The following NXN variants were observed in gnomAD, a reference collection of about 807,000 sequenced individuals.
NXN encodes nucleoredoxin 1.
In NXN, 16 loss-of-function variants were observed where a neutral mutation model predicts 48.6. The observed-to-expected ratio is 0.33, with a 90% CI of 0.22 to 0.50. NXN has a LOEUF of 0.50. NXN is among the 20% of genes least tolerant of loss of function. The probability of loss-of-function intolerance (pLI) is 0.98; values close to 1 mark genes in which losing one functional copy is unlikely to be tolerated. For synonymous variants in NXN, 281 were observed against 269.6 expected, an observed-to-expected ratio of 1.04 and a Z score of -0.41; for missense variants, 492 against 605.5, an observed-to-expected ratio of 0.81 and a Z score of 1.97.
At chr17:834,749 G>A (rs946471928) in intron 1 of NXN, among the ~76,000 whole-genome samples, 2 of 151,588 alleles carry the variant, frequency 1.3e-5, no homozygotes, top group Non-Finnish European at 2.9e-5. Flanking sequence ...CGAACCTCCT[G>A]ACCTCAAGTG....
intron 1 of NXN, among the ~76,000 whole-genome samples, chr17:895,520 A>C (rs1265952977): frequency 3.3e-5 from 5 of 152,092 alleles, no homozygotes. Flanking sequence ...TGGTTTAAAA[A>C]GACCCAATGT....
At chr17:885,425 G>A (rs907492878) in intron 1 of NXN, among the ~76,000 whole-genome samples, 2 of 151,378 alleles carry the variant, frequency 1.3e-5, no homozygotes, top group Non-Finnish European at 2.9e-5. Flanking sequence ...TGCAGTGAGC[G>A]GAGATCGCAC....
chr17:979,047 G>A, intron 1 of NXN, among the ~76,000 whole-genome samples: 1 of 144,698 alleles, frequency 6.9e-6, no homozygotes, highest in Non-Finnish European at 1.5e-5. Flanking sequence ...TCCAGGGCGG[G>A]CGCAGCGCAG....
chr17:851,953 T>A (rs1173909862), intron 1 of NXN, among the ~76,000 whole-genome samples: 2 of 152,198 alleles, frequency 1.3e-5, no homozygotes, highest in Non-Finnish European at 2.9e-5. Flanking sequence ...GACTTTCTCC[T>A]GATCTAACCA....
At chr17:842,111 G>A (rs1914361567) in intron 1 of NXN, among the ~76,000 whole-genome samples, 1 of 152,102 alleles carries the variant, frequency 6.6e-6, no homozygotes, top group Admixed American at 6.6e-5. Flanking sequence ...ACTCCAGCCT[G>A]GGCGACAGAG....
At chr17:945,388 T>A (rs1010884956) in intron 1 of NXN, among the ~76,000 whole-genome samples, 14 of 151,938 alleles carry the variant, frequency 9.2e-5, no homozygotes, top group Non-Finnish European at 1.8e-4. Flanking sequence ...TGCCCCCAAG[T>A]GGATCTTAAA....
chr17:810,007 C>CTGTGAGTGGCGTGCACGTTAAGAGTCCG (rs1567810503), intron 5 of NXN, among the ~76,000 whole-genome samples: 72 of 114,914 alleles, frequency 6.3e-4, no homozygotes, highest in Non-Finnish European at 9.5e-4. Context: ...CGTTACGAGT[C>CTGTGAGTGGCGTGCACGTTAAGAGTCCG]TGTGAGTGGC....
At chr17:815,281 G>A (rs1034890841) in intron 5 of NXN, among the ~76,000 whole-genome samples, 4 of 151,214 alleles carry the variant, frequency 2.6e-5, no homozygotes, top group Non-Finnish European at 5.9e-5. Context: ...TTTTGAAGGC[G>A]ACAAGGCACC....
At chr17:948,215 G>C (rs1471597825) in intron 1 of NXN, among the ~76,000 whole-genome samples, 1 of 152,064 alleles carries the variant, frequency 6.6e-6, no homozygotes. Flanking sequence ...AAGTAATCTA[G>C]AGGTAATTTA....
chr17:907,166 A>G (rs2068588956), intron 1 of NXN, among the ~76,000 whole-genome samples: 1 of 152,110 alleles, frequency 6.6e-6, no homozygotes, highest in South Asian at 2.1e-4. Flanking sequence ...AAGAGAATTA[A>G]TTAGACTCGT....
At chr17:890,700 TATTTTTCTGG>T (rs142876564) in intron 1 of NXN, among the ~76,000 whole-genome samples, 2,478 of 152,204 alleles carry the variant, frequency 0.016, 36 homozygotes, top group Non-Finnish European at 0.024. Flanking sequence ...TTCAAAATAA[TATTTTTCTGG>T]ATTTTTCTGG....
rs1567827591 is a variant in NXN, at chr17:841,469, CGGGCGAGCAGGT to C, written c.361-15403_361-15392del. On this transcript the variant is annotated intron_variant, in intron 1 of 7. Transcript: ENST00000336868. Reference sequence around the variant, plus strand: ...CCCCCTGACCACGGCGCATCTCACACGGGCGAGCAGGTCCCCCCTGACCACGGCGCATCTCAC... The same window carrying C: ...CCCCCTGACCACGGCGCATCTCACACCCCCCCTGACCACGGCGCATCTCAC... Among the ~76,000 whole-genome samples the C allele has an allele frequency of 1.2e-4, 15 of 129,982 alleles. 1 individual carries two copies. The South Asian group carries it at 1.2e-3, about 11-fold the overall frequency. The allele number at this position is 129,982 out of a possible 152,430, so 85.3% of individuals were successfully genotyped here.
rs972941103 is a variant in NXN at position 922,502 on chromosome 17, G to A, written c.360+56817C>T. Among the ~76,000 whole-genome samples the A allele has an allele frequency of 6.6e-5, 10 of 152,138 alleles. No individual in the cohort carries two copies. The East Asian group carries it at 7.7e-4, about 12-fold the overall frequency. ...TTAGTTGGAAATAGGATGGGGCCAC[G>A]AATAAAATCTAAGCGTACATTCCAA... On this transcript the variant is annotated intron_variant, in intron 1 of 7. Coordinates refer to ENST00000336868, the MANE Select transcript of NXN (RefSeq NM_022463.5).
intron 1 of NXN, among the ~76,000 whole-genome samples, chr17:910,536 T>TAAAACGG (rs1260628720): frequency 6.6e-6 from 1 of 152,184 alleles, no homozygotes; most frequent in Non-Finnish European, 1.5e-5. Flanking sequence ...TTTTTATTTG[T>TAAAACGG]TTTTTAGAAG....
intron 1 of NXN, among the ~76,000 whole-genome samples, chr17:927,174 G>A (rs545741205): frequency 3.3e-5 from 5 of 152,062 alleles, no homozygotes; most frequent in South Asian, 2.1e-4. Flanking sequence ...TTAGCCAGGC[G>A]TGGTGGCAGG....
chr17:869,467 G>A (rs1311967987), intron 1 of NXN, among the ~76,000 whole-genome samples: 4 of 152,250 alleles, frequency 2.6e-5, no homozygotes, highest in Non-Finnish European at 4.4e-5. Context: ...CGAGGTGGAA[G>A]AAGGAAGGTC....
chr17:933,279 G>C (rs529482494), intron 1 of NXN: 3 of 152,304 alleles, frequency 2.0e-5, no homozygotes, highest in East Asian at 1.9e-4. Flanking sequence ...GAAGAGCTCG[G>C]CCAGAGGAGG....
At chr17:876,817 C>CG (rs1328125561) in intron 1 of NXN, among the ~76,000 whole-genome samples, 3 of 151,740 alleles carry the variant, frequency 2.0e-5, no homozygotes, top group Non-Finnish European at 2.9e-5. Flanking sequence ...GCTGCGGGGG[C>CG]GGGGGGATCA....
rs1289338667 is a variant in NXN at position 919,081 on chromosome 17, G to T, written c.360+60238C>A. Reference sequence around the variant, plus strand: ...CCCTATTGCTTTAAAAAAAAAAAATGTTTCAGCCAGGCTCGGTGGCTCACA... The same window carrying T: ...CCCTATTGCTTTAAAAAAAAAAAATTTTTCAGCCAGGCTCGGTGGCTCACA... On this transcript the variant is annotated intron_variant, in intron 1 of 7. Transcript: ENST00000336868. This position sits in a 1 kb window ranked among gnomAD's most constrained non-coding sequence, Gnocchi z 5.1. Among the ~76,000 whole-genome samples, 1 of 150,594 alleles carries T rather than the reference G, an allele frequency of 6.6e-6. No homozygotes were observed. Among genetic ancestry groups the T allele is most frequent in the African/African-American group, 2.5e-5 (1 of 40,542 alleles).
Sources: gnomAD v4.1 joint callset for allele counts (sites outside exome capture counted in the v4.1 genomes callset) on GRCh38, gnomAD v4.1.1 for gene constraint, Gnocchi (gnomAD v3.1) non-coding constraint, MANE v1.5 for transcripts, NCBI Gene and HGNC (gene_info 2026-07-23, HGNC 2026-07-21) for gene names.